Variants in GALNTL6 observed in about 807,000 individuals in gnomAD.
GALNTL6 encodes polypeptide N-acetylgalactosaminyltransferase like 6, also known as polypeptide N-acetylgalactosaminyltransferase-like 6.
In GALNTL6, 46 loss-of-function variants were observed where a neutral mutation model predicts 73.7. That is an observed-to-expected ratio of 0.62 (90% confidence interval 0.49 to 0.80). GALNTL6 has a LOEUF of 0.80. GALNTL6 is among the 30% of genes least tolerant of loss of function. The probability of loss-of-function intolerance (pLI) is 0.00; values close to 1 mark genes in which losing one functional copy is unlikely to be tolerated. For synonymous variants in GALNTL6, 259 were observed against 263.7 expected, an observed-to-expected ratio of 0.98 and a Z score of 0.17; for missense variants, 604 against 755.0, an observed-to-expected ratio of 0.80 and a Z score of 2.34.
chr4:172,320,485 G>T (rs370084913), intron 4 of GALNTL6, among the ~76,000 whole-genome samples: 2 of 152,126 alleles, frequency 1.3e-5, no homozygotes, highest in Non-Finnish European at 2.9e-5. Flanking sequence ...CTAAGGTCAC[G>T]CTGAAAAAGA....
At chr4:173,014,802 T>C (rs981417627) in intron 11 of GALNTL6, among the ~76,000 whole-genome samples, 2 of 152,198 alleles carry the variant, frequency 1.3e-5, no homozygotes, top group Non-Finnish European at 2.9e-5. Context: ...CTTATTCATA[T>C]AATACAAACG....
intron 9 of GALNTL6, among the ~76,000 whole-genome samples, chr4:172,937,887 CAAA>C (rs1748702928): frequency 6.6e-6 from 1 of 151,992 alleles, no homozygotes; most frequent in Non-Finnish European, 1.5e-5. Context: ...TATGATGTAA[CAAA>C]AGAGAAATAT....
intron 5 of GALNTL6, among the ~76,000 whole-genome samples, chr4:172,418,495 T>TG (rs1167034506): frequency 6.6e-6 from 1 of 152,188 alleles, no homozygotes; most frequent in African/African-American, 2.4e-5. Context: ...GGAGCAGATC[T>TG]GAACCCATCC....
At chr4:172,011,391 G>A (rs1741001983) in intron 2 of GALNTL6, among the ~76,000 whole-genome samples, 1 of 152,074 alleles carries the variant, frequency 6.6e-6, no homozygotes, top group South Asian at 2.1e-4. Flanking sequence ...TTGTAAGAGA[G>A]TGTGGGTGTG....
rs768528888 is a variant in GALNTL6, at chr4:173,009,161, C to T, written c.1372-17C>T. The T allele has an allele frequency of 1.1e-5, 17 of 1,579,536 alleles. No homozygotes were observed. The African/African-American group carries it at 2.2e-4, about 20-fold the overall frequency. ...ACGACATAGCCCCACACTCAAAATT[C>T]TTTCTTCTTTCCACAGATCCGAAAT... On this transcript the variant is annotated splice_polypyrimidine_tract_variant and intron_variant, in intron 10 of 12. Coordinates refer to ENST00000506823, the MANE Select transcript of GALNTL6 (RefSeq NM_001034845.3).
intron 5 of GALNTL6, among the ~76,000 whole-genome samples, chr4:172,395,272 T>TA (rs142146065): frequency 6.6e-6 from 1 of 151,998 alleles, no homozygotes; most frequent in Non-Finnish European, 1.5e-5. Context: ...CCTTGTAGCT[T>TA]AAAAAAAATC....
At chr4:172,802,062 C>T (rs990251472) in intron 5 of GALNTL6, among the ~76,000 whole-genome samples, 4 of 152,094 alleles carry the variant, frequency 2.6e-5, no homozygotes, top group African/African-American at 9.7e-5. Flanking sequence ...TGAAAAAAAT[C>T]AAGCCCTTGG....
At chr4:172,073,007 TC>T (rs1157763087) in intron 2 of GALNTL6, among the ~76,000 whole-genome samples, 1 of 152,200 alleles carries the variant, frequency 6.6e-6, no homozygotes. Context: ...TTATCGATTC[TC>T]CTCTCTCCGT....
intron 9 of GALNTL6, among the ~76,000 whole-genome samples, chr4:172,934,118 G>C (rs1748490114): frequency 6.6e-6 from 1 of 152,192 alleles, no homozygotes; most frequent in South Asian, 2.1e-4. Context: ...TTAGAGGACA[G>C]TACAAGGCAA....
chr4:171,925,871 C>A (rs1737962418), intron 2 of GALNTL6, among the ~76,000 whole-genome samples: 1 of 152,006 alleles, frequency 6.6e-6, no homozygotes, highest in East Asian at 1.9e-4. Context: ...ATTAGATGAA[C>A]AGAAATATAA....
chr4:172,138,486 TATATATATATATATATATATA>T (rs1560938201), intron 2 of GALNTL6, among the ~76,000 whole-genome samples: 1 of 5,508 alleles, frequency 1.8e-4, no homozygotes. Flanking sequence ...CCTATATATA[TATATATATATATATATATATA>T]TATATATTTT....
At chr4:172,682,884 T>C (rs1732706878) in intron 5 of GALNTL6, among the ~76,000 whole-genome samples, 1 of 151,824 alleles carries the variant, frequency 6.6e-6, no homozygotes, top group Non-Finnish European at 1.5e-5. Context: ...GAGCCACTCT[T>C]GTGCACTAAA....
At chr4:172,338,985 A>G (rs1033423131) in intron 4 of GALNTL6, among the ~76,000 whole-genome samples, 2 of 152,194 alleles carry the variant, frequency 1.3e-5, no homozygotes, top group South Asian at 2.1e-4. Flanking sequence ...CTCACTTCAC[A>G]TGGTCTCTCC....
chr4:171,835,296 G>A (rs1183359696), intron 2 of GALNTL6, among the ~76,000 whole-genome samples: 1 of 152,008 alleles, frequency 6.6e-6, no homozygotes, highest in South Asian at 2.1e-4. Flanking sequence ...GGCTTTGTGT[G>A]TCTGTGTATG....
At chr4:172,552,794 C>T (rs1385613928) in intron 5 of GALNTL6, among the ~76,000 whole-genome samples, 2 of 132,152 alleles carry the variant, frequency 1.5e-5, no homozygotes, top group East Asian at 4.5e-4. Flanking sequence ...CTAATATCAA[C>T]GGAGAATATC....
chr4:171,814,533 A>C lies in GALNTL6; in HGVS notation c.-48A>C. 2 of 1,599,786 alleles carry C rather than the reference A, an allele frequency of 1.3e-6. No individual in the cohort carries two copies. Among genetic ancestry groups the C allele is most frequent in the Non-Finnish European group, 1.7e-6 (2 of 1,170,358 alleles). ...GAATTTGACATTAAACACAAGAAGC[A>C]GTCAGGGAGCCATCTCCTTTAACTT... is the stretch of plus-strand genomic sequence containing the variant. On this transcript the variant is annotated 5_prime_UTR_variant, in exon 2 of 13. Coordinates refer to ENST00000506823, the MANE Select transcript of GALNTL6 (RefSeq NM_001034845.3).
chr4:171,835,626 A>G (rs990353738), intron 2 of GALNTL6, among the ~76,000 whole-genome samples: 2 of 152,106 alleles, frequency 1.3e-5, no homozygotes, highest in African/African-American at 4.8e-5. Flanking sequence ...TAATTTTTAA[A>G]GCAATTGACA....
intron 2 of GALNTL6, among the ~76,000 whole-genome samples, chr4:171,968,867 C>T (rs547164628): frequency 2.0e-5 from 3 of 151,212 alleles, no homozygotes; most frequent in South Asian, 4.2e-4. Context: ...GACAGAGTCT[C>T]GCTCTGTCAC....
chr4:172,029,177 G>T (rs1305857251), intron 2 of GALNTL6, among the ~76,000 whole-genome samples: 4 of 151,870 alleles, frequency 2.6e-5, no homozygotes, highest in Non-Finnish European at 5.9e-5. Context: ...CTATATAAGG[G>T]AATCTATTTT....
Sources: allele counts gnomAD v4.1 joint callset (sites outside exome capture counted in the v4.1 genomes callset), GRCh38; gene constraint gnomAD v4.1.1; transcripts MANE v1.5; gene names NCBI Gene and HGNC (gene_info 2026-07-23, HGNC 2026-07-21).